The following NEK1 variants were observed in gnomAD, a reference collection of about 807,000 sequenced individuals.
NEK1 encodes NIMA related kinase 1.
Under a neutral mutation model 182.1 loss-of-function variants are expected in NEK1, and 137 were observed. The ratio of observed to expected loss-of-function variants is 0.75; its 90% confidence interval spans 0.65 to 0.87. The LOEUF (loss-of-function observed/expected upper bound fraction) is 0.87, where lower values mean the gene tolerates loss of function less well. Among genes scored for constraint, NEK1 ranks in the 40% least tolerant of loss-of-function variants. The pLI is 0.00. For synonymous variants in NEK1, 513 were observed against 492.2 expected, an observed-to-expected ratio of 1.04 and a Z score of -0.56; for missense variants, 1,391 against 1,494.4, an observed-to-expected ratio of 0.93 and a Z score of 1.14.
At chr4:169,513,009 T>C (rs547739445) in intron 19 of NEK1, among the ~76,000 whole-genome samples, 44 of 152,292 alleles carry the variant, frequency 2.9e-4, no homozygotes, top group African/African-American at 1.0e-3. Flanking sequence ...AGCTATAAGT[T>C]AGCCTCAAAA....
chr4:169,460,640 A>G lies in NEK1; in HGVS notation c.2587+2603T>C, dbSNP rs143533257. Among the ~76,000 whole-genome samples, 451 of 152,296 alleles carry G rather than the reference A, an allele frequency of 3.0e-3. 1 individual carries two copies. The highest frequency in any genetic ancestry group is 0.01 in the African/African-American group (420 of 41,574). On this transcript the variant is annotated intron_variant, in intron 27 of 35. Transcript: ENST00000507142. ...AGAAAAATAAACTCAATGCCAAAAT[A>G]TATTTTAAGAAAATGATTGGACTTT... is the stretch of plus-strand genomic sequence containing the variant.
Position 169,496,254 on chromosome 4 carries a change from G to T in NEK1, c.2007+10783C>A, listed in dbSNP as rs1331642495. The stretch of plus-strand genomic sequence containing the variant: ...CTTGTGATTTTTGCACATTGATTTT[G>T]TATCCTGAGACTTTGCTGAAGTTGC... On this transcript the variant is annotated intron_variant, in intron 23 of 35. Transcript: ENST00000507142. Among the ~76,000 whole-genome samples the T allele has an allele frequency of 2.6e-5, 4 of 152,062 alleles. No homozygotes were observed. In the South Asian group the frequency reaches 8.3e-4, roughly 31 times the overall value.
intron 32 of NEK1, 49 bp from the exon 33 acceptor site, chr4:169,401,909 C>T: frequency 6.8e-7 from 1 of 1,475,492 alleles, no homozygotes. Flanking sequence ...CTGAAATTTA[C>T]CAAGTTAAAC....
chr4:169,596,170 G>T (rs1170562415), intron 5 of NEK1, among the ~76,000 whole-genome samples: 1 of 152,056 alleles, frequency 6.6e-6, no homozygotes, highest in Non-Finnish European at 1.5e-5. Context: ...CGTTAGGATA[G>T]AAGAACAAAT....
chr4:169,584,874 A>G (rs1403289062), intron 10 of NEK1, among the ~76,000 whole-genome samples: 1 of 152,172 alleles, frequency 6.6e-6, no homozygotes, highest in Non-Finnish European at 1.5e-5. Context: ...GAAAGCAAAC[A>G]TTAAGAAAAC....
intron 29 of NEK1, among the ~76,000 whole-genome samples, chr4:169,429,798 A>G (rs1278280504): frequency 6.6e-6 from 1 of 152,152 alleles, no homozygotes; most frequent in Non-Finnish European, 1.5e-5. Flanking sequence ...TGAATAGCCT[A>G]TTCATCACCT....
chr4:169,486,610 T>C (rs1465500402), intron 23 of NEK1, among the ~76,000 whole-genome samples: 2 of 152,234 alleles, frequency 1.3e-5, no homozygotes, highest in East Asian at 3.8e-4. Context: ...ATTTAATGTC[T>C]CAAAACCTTA....
chr4:169,397,767 G>A (rs919306468), intron 35 of NEK1, among the ~76,000 whole-genome samples: 3 of 152,172 alleles, frequency 2.0e-5, no homozygotes, highest in Non-Finnish European at 2.9e-5. Flanking sequence ...AAGCCACTCA[G>A]TTGTCAAAAG....
rs1184211163 is a variant in NEK1 at position 169,479,507 on chromosome 4, C to T, written c.2035G>A (p.Asp679Asn). The change falls in exon 24 of 36, where the codon GAT becomes AAT. Residue 679 changes from aspartate to asparagine, a missense_variant. Transcript: ENST00000507142. Reference protein sequence around the residue: ...HLVAKGVKSSDVSPPLGQHET... With the variant: ...HLVAKGVKSSNVSPPLGQHET... ...TGCTGTCCCAAAGGTGGAGAAACATCAGAACTCTTAACTCCTTTAGCCACC... is the reference window on the plus strand; with the variant it reads ...TGCTGTCCCAAAGGTGGAGAAACATTAGAACTCTTAACTCCTTTAGCCACC... 6 of 1,609,664 alleles carry T rather than the reference C, an allele frequency of 3.7e-6. No homozygotes were observed. The highest frequency in any genetic ancestry group is 5.1e-6 in the Non-Finnish European group (6 of 1,178,296).
At chr4:169,421,079 T>C (rs1353786078) in intron 31 of NEK1, among the ~76,000 whole-genome samples, 1 of 151,938 alleles carries the variant, frequency 6.6e-6, no homozygotes, top group Non-Finnish European at 1.5e-5. Flanking sequence ...CCAGAGAAAA[T>C]GTTTCAGACA....
chr4:169,454,099 A>G (rs1268790234), intron 27 of NEK1, among the ~76,000 whole-genome samples: 2 of 152,228 alleles, frequency 1.3e-5, no homozygotes, highest in African/African-American at 4.8e-5. Flanking sequence ...CTATTTAATA[A>G]ATGGTGCTGG....
At chr4:169,561,992 GTTTT>G (rs34452581) in intron 13 of NEK1, 101 bp from the exon 14 acceptor site, 1 of 923,864 alleles carries the variant, frequency 1.1e-6, no homozygotes, top group Non-Finnish European at 1.5e-6. Flanking sequence ...GTTCAATGAG[GTTTT>G]TTTTTTAAAA....
intron 31 of NEK1, among the ~76,000 whole-genome samples, chr4:169,421,916 T>G (rs1160576949): frequency 2.0e-5 from 3 of 152,314 alleles, no homozygotes; most frequent in African/African-American, 7.2e-5. Flanking sequence ...TAGACATTCA[T>G]AGCATATTTC....
chr4:169,523,551 C>A (rs1481413382), intron 19 of NEK1, among the ~76,000 whole-genome samples: 5 of 152,164 alleles, frequency 3.3e-5, no homozygotes, highest in African/African-American at 4.8e-5. Flanking sequence ...TCCCTCAAAG[C>A]CCCCAGAAGG....
chr4:169,451,602 C>A, intron 27 of NEK1, among the ~76,000 whole-genome samples: 1 of 152,146 alleles, frequency 6.6e-6, no homozygotes, highest in Non-Finnish European at 1.5e-5. Context: ...AACAAAGACA[C>A]AACATACCAG....
At chr4:169,540,353 G>T (rs1429145009) in intron 18 of NEK1, among the ~76,000 whole-genome samples, 1 of 151,950 alleles carries the variant, frequency 6.6e-6, no homozygotes, top group African/African-American at 2.4e-5. Flanking sequence ...CAATTTTATG[G>T]CTCCTTACAC....
intron 5 of NEK1, among the ~76,000 whole-genome samples, chr4:169,596,511 G>T (rs1365226775): frequency 6.6e-6 from 1 of 152,142 alleles, no homozygotes; most frequent in South Asian, 2.1e-4. Context: ...CCAAGGGAAC[G>T]TACTTAGTTC....
chr4:169,447,627 G>A (rs1037617153), intron 27 of NEK1, among the ~76,000 whole-genome samples: 1 of 152,116 alleles, frequency 6.6e-6, no homozygotes, highest in African/African-American at 2.4e-5. Flanking sequence ...AGCATTTTGG[G>A]AGGTGAAGGC....
intron 32 of NEK1, among the ~76,000 whole-genome samples, 200 bp from the exon 33 acceptor site, chr4:169,402,060 T>A (rs530217927): frequency 3.9e-5 from 6 of 152,286 alleles, no homozygotes; most frequent in Non-Finnish European, 7.4e-5. Context: ...ATACAACTGA[T>A]AAATATATCA....
Sources: gnomAD v4.1 joint callset for allele counts (sites outside exome capture counted in the v4.1 genomes callset) on GRCh38, gnomAD v4.1.1 for gene constraint, MANE v1.5 for transcripts, NCBI Gene and HGNC (gene_info 2026-07-23, HGNC 2026-07-21) for gene names.